The following VPS35L variants were observed in gnomAD, a reference collection of about 807,000 sequenced individuals.
VPS35L encodes the protein VPS35 endosomal protein-sorting factor-like.
A neutral mutation model predicts 133.0 loss-of-function variants in VPS35L; 83 were observed. The ratio of observed to expected loss-of-function variants is 0.62; its 90% confidence interval spans 0.52 to 0.75. The LOEUF is 0.75. Ranked by LOEUF, VPS35L falls within the 30% of genes least tolerant of loss-of-function variation. VPS35L has a pLI of 0.00. For synonymous variants in VPS35L, 423 were observed against 449.9 expected, an observed-to-expected ratio of 0.94 and a Z score of 0.76; for missense variants, 1,083 against 1,206.8, an observed-to-expected ratio of 0.90 and a Z score of 1.52.
chr16:19,699,721 G>T lies in VPS35L; in HGVS notation c.2793+73G>T, dbSNP rs1976047437. 2.5e-6 allele frequency: 4 copies of T among 1,580,002 alleles called. No individual in the cohort carries two copies. Among genetic ancestry groups the T allele is most frequent in the Non-Finnish European group, 3.4e-6 (4 of 1,160,872 alleles). On this transcript the variant is annotated intron_variant, in intron 30 of 30. Coordinates refer to ENST00000417362, the MANE Select transcript of VPS35L (RefSeq NM_020314.7). The surrounding 1 kb of genome is among the most constrained non-coding windows in gnomAD (Gnocchi z 4.2). ...CAACCACCCTCAACACAGCATTGTG[G>T]CCTGGACATCAGACAGACAACCCCA...
intron 28 of VPS35L, among the ~76,000 whole-genome samples, chr16:19,690,970 A>G (rs958288633): frequency 3.9e-5 from 6 of 152,042 alleles, no homozygotes; most frequent in Non-Finnish European, 5.9e-5. Context: ...TCAAAAAAAA[A>G]AAAAGAAAAG....
intron 27 of VPS35L, among the ~76,000 whole-genome samples, chr16:19,673,013 G>T (rs1204243407): frequency 6.6e-6 from 1 of 152,236 alleles, no homozygotes; most frequent in African/African-American, 2.4e-5. Context: ...CTGACCTGAA[G>T]AGTTCATAGC....
chr16:19,616,956 G>C, intron 14 of VPS35L, 148 bp downstream of exon 14: 3 of 1,185,478 alleles, frequency 2.5e-6, no homozygotes, highest in Non-Finnish European at 3.7e-6. Flanking sequence ...TTGCCATGGT[G>C]GCTGGCTCTG....
At chr16:19,595,654 C>T (rs1282301497) in intron 8 of VPS35L, among the ~76,000 whole-genome samples, 3 of 152,184 alleles carry the variant, frequency 2.0e-5, no homozygotes, top group Non-Finnish European at 4.4e-5. Context: ...AGCTCACTCA[C>T]CTTGCAAGAA....
At chr16:19,627,920 G>A in intron 16 of VPS35L, 115 bp downstream of exon 16, 1 of 811,164 alleles carries the variant, frequency 1.2e-6, no homozygotes, top group Non-Finnish European at 2.1e-6. Context: ...ACAGGCGAAG[G>A]CTCTGTTTCT....
intron 26 of VPS35L, among the ~76,000 whole-genome samples, chr16:19,665,770 G>C (rs922100309): frequency 6.6e-6 from 1 of 152,192 alleles, no homozygotes; most frequent in South Asian, 2.1e-4. Context: ...CTCCGTAGTA[G>C]TTGTACTAAT....
intron 21 of VPS35L, among the ~76,000 whole-genome samples, chr16:19,640,976 G>A (rs1346060215): frequency 6.6e-6 from 1 of 152,150 alleles, no homozygotes; most frequent in Non-Finnish European, 1.5e-5. Context: ...TTCATCTCCT[G>A]GGCTCAAGCC....
chr16:19,697,593 C>T (rs760275095), intron 29 of VPS35L, among the ~76,000 whole-genome samples: 3 of 151,902 alleles, frequency 2.0e-5, no homozygotes, highest in Admixed American at 6.6e-5. Context: ...AGCTCGCAGG[C>T]GCCATGTGAA....
rs1331659085 is a variant in VPS35L, at chr16:19,637,632, T to C, written c.1674T>C (p.His558=). ...TTAAGAAAGTTATTGCCCACTTCCA[T>C]GACTTCTCAGTTCTTTTCTCAGTGG... ...LIIKKVIAHF[H]DFSVLFSVEK... Residue 558 remains histidine, a synonymous_variant, in exon 20 of 31, where the codon CAT becomes CAC. Transcript: ENST00000417362. 1 of 1,580,288 alleles carries C rather than the reference T, an allele frequency of 6.3e-7. No individual in the cohort carries two copies. The highest frequency in any genetic ancestry group is 1.2e-5 in the South Asian group (1 of 85,270).
chr16:19,626,090 T>C, intron 14 of VPS35L, 87 bp from the exon 15 acceptor site: 1 of 830,222 alleles, frequency 1.2e-6, no homozygotes, highest in East Asian at 2.7e-5. Context: ...ACATTCATTT[T>C]AGAGTTCGAC....
At chr16:19,598,601 T>C (rs1031162053) in intron 8 of VPS35L, among the ~76,000 whole-genome samples, 16 of 151,994 alleles carry the variant, frequency 1.1e-4, no homozygotes, top group African/African-American at 3.9e-4. Flanking sequence ...CTGAGCAATA[T>C]GGTGAGACCT....
chr16:19,649,322 G>A (rs1458106691), intron 24 of VPS35L, among the ~76,000 whole-genome samples: 2 of 152,048 alleles, frequency 1.3e-5, no homozygotes, highest in Non-Finnish European at 2.9e-5. Context: ...AGTAATGATG[G>A]GTGTGTACTT....
intron 26 of VPS35L, among the ~76,000 whole-genome samples, chr16:19,661,099 C>A (rs1382098204): frequency 6.7e-6 from 1 of 149,984 alleles, no homozygotes; most frequent in Non-Finnish European, 1.5e-5. Flanking sequence ...GTTCTCTTTC[C>A]CCCTTAGCAA....
chr16:19,632,413 T>A (rs901732448), intron 18 of VPS35L, among the ~76,000 whole-genome samples: 1 of 152,222 alleles, frequency 6.6e-6, no homozygotes, highest in African/African-American at 2.4e-5. Context: ...ATGTATAAGT[T>A]CTCTCTCAAA....
intron 9 of VPS35L, among the ~76,000 whole-genome samples, chr16:19,602,988 C>T (rs1218858907): frequency 1.3e-5 from 2 of 151,416 alleles, no homozygotes; most frequent in African/African-American, 2.4e-5. Context: ...TGCTCTCAAA[C>T]TTCTGGGCCC....
At chr16:19,568,332 A>G (rs1327850672) in intron 2 of VPS35L, among the ~76,000 whole-genome samples, 1 of 147,918 alleles carries the variant, frequency 6.8e-6, no homozygotes, top group Non-Finnish European at 1.5e-5. Flanking sequence ...ACAGGGTCTC[A>G]CTGTATCGCC....
At chr16:19,586,197 GC>G (rs1472918126) in intron 7 of VPS35L, among the ~76,000 whole-genome samples, 10 of 152,158 alleles carry the variant, frequency 6.6e-5, no homozygotes, top group African/African-American at 2.2e-4. Flanking sequence ...AGTGCACCTG[GC>G]CAGTTGTAAC....
chr16:19,571,313 C>T (rs1213434988), intron 3 of VPS35L, among the ~76,000 whole-genome samples: 1 of 151,864 alleles, frequency 6.6e-6, no homozygotes, highest in Non-Finnish European at 1.5e-5. Context: ...AAGTCCTGGG[C>T]TCGAACAATC....
chr16:19,650,258 G>T, intron 24 of VPS35L, 124 bp from the exon 25 acceptor site: 1 of 797,654 alleles, frequency 1.3e-6, no homozygotes, highest in Non-Finnish European at 2.1e-6. Flanking sequence ...GTGCTAACCA[G>T]TCTTGGTCCT....
Sources: allele counts gnomAD v4.1 joint callset (sites outside exome capture counted in the v4.1 genomes callset), GRCh38; gene constraint gnomAD v4.1.1; non-coding constraint Gnocchi (gnomAD v3.1); transcripts MANE v1.5; gene names NCBI Gene and HGNC (gene_info 2026-07-23, HGNC 2026-07-21).